Variants in TNS3 observed in about 807,000 individuals in gnomAD.
The protein encoded by TNS3 is tensin-3.
A neutral mutation model predicts 140.9 loss-of-function variants in TNS3; 45 were observed. The observed-to-expected ratio is 0.32, with a 90% CI of 0.25 to 0.41. The LOEUF is 0.41. Ranked by LOEUF, TNS3 falls within the 10% of genes least tolerant of loss-of-function variation. The pLI is 1.00. For synonymous variants in TNS3, 815 were observed against 788.4 expected (o/e 1.03, Z -0.56); for missense variants, 1,716 against 1,906.7 (o/e 0.90, Z 1.86).
intron 2 of TNS3, among the ~76,000 whole-genome samples, chr7:47,521,393 G>A (rs879480192): frequency 6.6e-6 from 1 of 152,232 alleles, no homozygotes; most frequent in Non-Finnish European, 1.5e-5. Context: ...AAAGTGTGCT[G>A]GTGAGGGTTC....
chr7:47,513,143 T>A (rs941824426), intron 2 of TNS3, among the ~76,000 whole-genome samples: 1 of 152,202 alleles, frequency 6.6e-6, no homozygotes, highest in African/African-American at 2.4e-5. Context: ...AAAAAATGAT[T>A]TTTAAATTTA....
intron 5 of TNS3, among the ~76,000 whole-genome samples, chr7:47,441,106 A>G (rs1259150583): frequency 6.6e-6 from 1 of 152,246 alleles, no homozygotes; most frequent in East Asian, 1.9e-4. Flanking sequence ...TAAAATGTCT[A>G]CAATGCCATT....
intron 1 of TNS3, among the ~76,000 whole-genome samples, chr7:47,545,421 C>G (rs1799894933): frequency 6.6e-6 from 1 of 151,682 alleles, no homozygotes; most frequent in Non-Finnish European, 1.5e-5. Flanking sequence ...AAGGGGAGGG[C>G]TTTCTACACT....
intron 3 of TNS3, among the ~76,000 whole-genome samples, chr7:47,489,237 G>GA (rs1178400673): frequency 2.0e-5 from 3 of 152,158 alleles, no homozygotes; most frequent in Non-Finnish European, 4.4e-5. Context: ...GAAAGAGAAG[G>GA]AAAATTCCCA....
chr7:47,383,463 A>C (rs1350402479), intron 16 of TNS3, among the ~76,000 whole-genome samples: 1 of 152,224 alleles, frequency 6.6e-6, no homozygotes, highest in Non-Finnish European at 1.5e-5. Flanking sequence ...GGAATTAGAT[A>C]ATGGCGACAG....
intron 3 of TNS3, among the ~76,000 whole-genome samples, chr7:47,501,388 A>T (rs901243952): frequency 6.6e-6 from 1 of 152,148 alleles, no homozygotes. Flanking sequence ...ACCAGATTCC[A>T]TCCTCCACCA....
chr7:47,538,613 C>T (rs1315431473), intron 1 of TNS3, among the ~76,000 whole-genome samples: 1 of 152,158 alleles, frequency 6.6e-6, no homozygotes, highest in South Asian at 2.1e-4. Context: ...TGACGTTAAC[C>T]TCTCAAGTTC....
intron 1 of TNS3, among the ~76,000 whole-genome samples, chr7:47,563,853 A>C (rs1287850911): frequency 6.6e-6 from 1 of 152,208 alleles, no homozygotes; most frequent in Admixed American, 6.5e-5. Flanking sequence ...CCAATTGTTT[A>C]GTCAAACTTC....
chr7:47,318,643 C>A (rs946658512), intron 20 of TNS3, among the ~76,000 whole-genome samples: 1 of 152,166 alleles, frequency 6.6e-6, no homozygotes, highest in Admixed American at 6.5e-5. Context: ...CAAAAACCCA[C>A]AAACAGAGGA....
At position 47,369,046 on chromosome 7, in the gene TNS3, G is replaced by A; in HGVS notation, c.1600C>T (p.Gln534Ter). ...GFGSNVGEDP[Q>*]GTLVPDLGLG... is the part of the protein sequence containing the mutation. ...CCCAGGTCCGGAACGAGGGTGCCCT[G>A]CGGATCTTCACCAACGTTGCTGCCA... is the stretch of plus-strand genomic sequence containing the variant. The change falls in exon 17 of 31, where the codon CAG becomes TAG. Residue 534 changes from glutamine (Q) to a stop codon, truncating the protein, a stop_gained. Coordinates refer to ENST00000311160, the MANE Select transcript of TNS3 (RefSeq NM_022748.12). LOFTEE classifies it high-confidence loss of function. 1 of 1,614,054 alleles carries A rather than the reference G, an allele frequency of 6.2e-7. No homozygotes were observed. Among genetic ancestry groups the A allele is most frequent in the South Asian group, 1.1e-5 (1 of 91,088 alleles).
In TNS3 at chr7:47,505,875, G is replaced by A. The variant is rs556599062; in HGVS notation, c.-115+1032C>T. Among the ~76,000 whole-genome samples the A allele has an allele frequency of 2.6e-5, 4 of 152,354 alleles. No individual in the cohort carries two copies. In the South Asian group the frequency reaches 8.3e-4, roughly 32 times the overall value. On this transcript the variant is annotated intron_variant, in intron 3 of 30. Transcript: ENST00000311160. ...CTCATGTGTGTGTTTGTGTATGCCT[G>A]AGATCGGGAGGGTCGGGGAAACCAG... is the stretch of plus-strand genomic sequence containing the variant.
chr7:47,354,687 C>A (rs536413913), intron 17 of TNS3, among the ~76,000 whole-genome samples: 1 of 152,248 alleles, frequency 6.6e-6, no homozygotes, highest in East Asian at 1.9e-4. Flanking sequence ...CCCTTGAAAC[C>A]CCCAGTGAAC....
At chr7:47,388,289 G>A (rs576983125) in intron 16 of TNS3, among the ~76,000 whole-genome samples, 55 of 152,272 alleles carry the variant, frequency 3.6e-4, no homozygotes, top group Admixed American at 3.9e-4. Flanking sequence ...GAGAAGCTTC[G>A]TGGCTCAGGG....
chr7:47,294,386 C>T lies in TNS3; in HGVS notation c.3677-558G>A, dbSNP rs561252379. Among the ~76,000 whole-genome samples, 15 of 152,292 alleles carry T rather than the reference C, an allele frequency of 9.8e-5. No homozygotes were observed. In the South Asian group the frequency reaches 3.1e-3, roughly 32 times the overall value. ...CTATTAACAGTAAACAGTGCATCTGCTTTAGGCCAGCCCATGAGTCCAAAG... is the reference window on the plus strand; with the variant it reads ...CTATTAACAGTAAACAGTGCATCTGTTTTAGGCCAGCCCATGAGTCCAAAG... On this transcript the variant is annotated intron_variant, in intron 24 of 30. Coordinates refer to ENST00000311160, the MANE Select transcript of TNS3 (RefSeq NM_022748.12).
intron 20 of TNS3, among the ~76,000 whole-genome samples, chr7:47,331,347 A>T (rs1371463683): frequency 2.0e-5 from 3 of 151,944 alleles, no homozygotes; most frequent in Non-Finnish European, 1.5e-5. Context: ...GCTGGCCAGC[A>T]CCCCAGGGCG....
chr7:47,369,735 T>A, intron 16 of TNS3, 114 bp from the exon 17 acceptor site: 1 of 1,221,578 alleles, frequency 8.2e-7, no homozygotes, highest in Non-Finnish European at 1.1e-6. Context: ...AAAATATGAC[T>A]TACAATAAAC....
rs796908353 is a variant in TNS3, at chr7:47,343,715, T to C, written c.2650+1040A>G. On this transcript the variant is annotated intron_variant, in intron 20 of 30. Transcript: ENST00000311160. ...CATATTGGAACATACACACTTCTCA[T>C]GTAATGCTCACATAATGTAGACATT... 3.7e-4 allele frequency among the ~76,000 whole-genome samples: 57 copies of C among 152,376 alleles called. 1 individual carries two copies. Among genetic ancestry groups the C allele is most frequent in the African/African-American group, 1.3e-3 (55 of 41,592 alleles).
At chr7:47,444,385 G>A (rs1011534122) in intron 4 of TNS3, among the ~76,000 whole-genome samples, 15 of 149,696 alleles carry the variant, frequency 1.0e-4, no homozygotes, top group African/African-American at 2.3e-4. Flanking sequence ...TCATTTGACC[G>A]TGAAAGACTG....
At chr7:47,404,824 C>T (rs1016632612) in intron 13 of TNS3, among the ~76,000 whole-genome samples, 61 of 152,062 alleles carry the variant, frequency 4.0e-4, no homozygotes, top group Admixed American at 6.6e-4. Context: ...GTGGAGCTTG[C>T]GGTGAGCCAA....
Sources: gnomAD v4.1 joint callset for allele counts (sites outside exome capture counted in the v4.1 genomes callset) on GRCh38, gnomAD v4.1.1 for gene constraint, MANE v1.5 for transcripts, NCBI Gene and HGNC (gene_info 2026-07-23, HGNC 2026-07-21) for gene names.